The following NLGN1 variants were observed in gnomAD, a reference collection of about 807,000 sequenced individuals.
NLGN1 encodes neuroligin-1.
A neutral mutation model predicts 65.5 loss-of-function variants in NLGN1; 12 were observed. The ratio of observed to expected loss-of-function variants is 0.18; its 90% CI spans 0.12 to 0.30. NLGN1 has a LOEUF of 0.30. Ranked by LOEUF, NLGN1 falls within the 10% of genes least tolerant of loss-of-function variation. The pLI, the probability that NLGN1 is intolerant of heterozygous loss-of-function variation, is 1.00. For missense variants in NLGN1, 750 were observed against 1,007.1 expected (o/e 0.74, Z 3.46); for synonymous variants, 350 against 359.5 (o/e 0.97, Z 0.30).
intron 4 of NLGN1, among the ~76,000 whole-genome samples, chr3:173,869,313 C>T (rs1730746532): frequency 6.6e-6 from 1 of 152,196 alleles, no homozygotes; most frequent in African/African-American, 2.4e-5. Flanking sequence ...TAATATATGC[C>T]TTTAAAACAA....
intron 2 of NLGN1, among the ~76,000 whole-genome samples, chr3:173,449,931 T>C (rs139917541): frequency 0.19 from 28,740 of 152,034 alleles, 2,995 homozygotes; most frequent in African/African-American, 0.28. Flanking sequence ...CTTCCTCCAT[T>C]CCTTTATTTT....
At chr3:173,558,636 T>C (rs146109987) in intron 2 of NLGN1, among the ~76,000 whole-genome samples, 297 of 152,260 alleles carry the variant, frequency 2.0e-3, no homozygotes, top group African/African-American at 7.0e-3. Flanking sequence ...GAGTTTCTAT[T>C]TCTCTTTTGA....
rs74492396 is a variant in NLGN1, at chr3:174,054,633, G to A, written c.647-220682G>A. Among the ~76,000 whole-genome samples the A allele has an allele frequency of 6.3e-3, 956 of 151,984 alleles. 24 individuals are homozygous for A. The highest frequency in any genetic ancestry group is 0.039 in the East Asian group (201 of 5,150). On this transcript the variant is annotated intron_variant, in intron 4 of 6. Coordinates refer to ENST00000457714, the Ensembl canonical transcript of NLGN1. Reference sequence around the variant, plus strand: ...ATTTCATTTCTAATCCACTGTGGACGTGTGCATGGATCCTGCTGCATGCAT... The same window carrying A: ...ATTTCATTTCTAATCCACTGTGGACATGTGCATGGATCCTGCTGCATGCAT...
intron 4 of NLGN1, among the ~76,000 whole-genome samples, chr3:173,933,284 C>T (rs1258687045): frequency 6.6e-6 from 1 of 152,028 alleles, no homozygotes; most frequent in Non-Finnish European, 1.5e-5. Flanking sequence ...ATTACAAAGC[C>T]TCATTGTGGA....
intron 2 of NLGN1, among the ~76,000 whole-genome samples, chr3:173,506,939 C>T (rs1451723369): frequency 6.6e-6 from 1 of 152,156 alleles, no homozygotes; most frequent in African/African-American, 2.4e-5. Context: ...CATTTAAACT[C>T]AGTTGTAACA....
chr3:174,277,101 A>T (rs997071402), intron 5 of NLGN1, among the ~76,000 whole-genome samples: 2 of 151,906 alleles, frequency 1.3e-5, no homozygotes, highest in African/African-American at 2.4e-5. Flanking sequence ...ACATTTTATT[A>T]TACACTTCAG....
intron 2 of NLGN1, among the ~76,000 whole-genome samples, chr3:173,588,369 G>A (rs6800150): frequency 0.01 from 1,592 of 152,254 alleles, 38 homozygotes; most frequent in African/African-American, 0.037. Context: ...TGTTGATAAT[G>A]TCAAATATTA....
chr3:173,518,702 CA>C (rs1322030461), intron 2 of NLGN1, among the ~76,000 whole-genome samples: 1 of 151,686 alleles, frequency 6.6e-6, no homozygotes, highest in Non-Finnish European at 1.5e-5. Context: ...TATGTGTGAG[CA>C]AAGAAATAAC....
intron 4 of NLGN1, among the ~76,000 whole-genome samples, chr3:174,234,929 G>A (rs905293355): frequency 2.3e-5 from 3 of 131,746 alleles, no homozygotes; most frequent in African/African-American, 9.1e-5. Flanking sequence ...TACTCCCTTT[G>A]ATGCATTTTT....
At chr3:174,116,714 G>A (rs1374417289) in intron 4 of NLGN1, among the ~76,000 whole-genome samples, 3 of 152,060 alleles carry the variant, frequency 2.0e-5, no homozygotes, top group Non-Finnish European at 4.4e-5. Flanking sequence ...CCACAAAGAT[G>A]AATGTTGATC....
At chr3:173,506,467 C>T (rs777997761) in intron 2 of NLGN1, among the ~76,000 whole-genome samples, 10 of 151,990 alleles carry the variant, frequency 6.6e-5, no homozygotes, top group Non-Finnish European at 1.3e-4. Flanking sequence ...CAACACACCA[C>T]ACTAGTAACT....
At chr3:173,970,917 G>A (rs1174734842) in intron 4 of NLGN1, among the ~76,000 whole-genome samples, 1 of 152,072 alleles carries the variant, frequency 6.6e-6, no homozygotes, top group Non-Finnish European at 1.5e-5. Context: ...AGAAATATAG[G>A]AAGAAGAATG....
chr3:174,115,426 A>G (rs1716182861), intron 4 of NLGN1, among the ~76,000 whole-genome samples: 1 of 152,190 alleles, frequency 6.6e-6, no homozygotes, highest in African/African-American at 2.4e-5. Flanking sequence ...CTGGTTCTCC[A>G]TGTCACTGAC....
chr3:173,769,253 A>C lies in NLGN1; in HGVS notation c.494-38427A>C, dbSNP rs1186384204. Among the ~76,000 whole-genome samples, 5 of 152,282 alleles carry C rather than the reference A, an allele frequency of 3.3e-5. No individual in the cohort carries two copies. The East Asian group carries it at 9.7e-4, about 29-fold the overall frequency. On this transcript the variant is annotated intron_variant, in intron 3 of 6. Coordinates refer to ENST00000457714, the Ensembl canonical transcript of NLGN1. ...GAAACTCCTCTGCCAAAAATTTTTC[A>C]GTGGTTCACTGTTTCTTCCAGGAGA...
At chr3:173,489,012 C>G (rs895382985) in intron 2 of NLGN1, among the ~76,000 whole-genome samples, 1 of 151,594 alleles carries the variant, frequency 6.6e-6, no homozygotes, top group Non-Finnish European at 1.5e-5. Context: ...CTAATCTGAT[C>G]TTTAGATTTT....
chr3:173,733,792 A>G (rs1773256924), intron 3 of NLGN1, among the ~76,000 whole-genome samples: 1 of 152,128 alleles, frequency 6.6e-6, no homozygotes, highest in Non-Finnish European at 1.5e-5. Flanking sequence ...GGCCTTTGAC[A>G]TTTGTCACGG....
intron 4 of NLGN1, among the ~76,000 whole-genome samples, chr3:173,957,606 C>T (rs192667649): frequency 6.6e-6 from 1 of 152,302 alleles, no homozygotes; most frequent in Non-Finnish European, 1.5e-5. Context: ...CGAGAGATAT[C>T]AGCATTATTT....
intron 3 of NLGN1, among the ~76,000 whole-genome samples, chr3:173,649,903 A>G (rs1381362850): frequency 6.6e-6 from 1 of 152,138 alleles, no homozygotes; most frequent in Non-Finnish European, 1.5e-5. Context: ...ATAAAACTAT[A>G]TGAAAATGTA....
intron 4 of NLGN1, among the ~76,000 whole-genome samples, chr3:174,116,622 G>T (rs1387092638): frequency 2.6e-5 from 4 of 152,096 alleles, no homozygotes; most frequent in African/African-American, 9.7e-5. Context: ...ACAGGCATGA[G>T]TCACCATGCC....
Sources: allele counts gnomAD v4.1 joint callset (sites outside exome capture counted in the v4.1 genomes callset), GRCh38; gene constraint gnomAD v4.1.1; transcripts MANE v1.5; gene names NCBI Gene and HGNC (gene_info 2026-07-23, HGNC 2026-07-21).